The following CTNND2 variants were observed in gnomAD, a reference collection of about 807,000 sequenced individuals.
CTNND2 encodes the protein catenin delta 2, also known as catenin delta-2.
In CTNND2, 22 loss-of-function variants were observed where a neutral mutation model predicts 144.4. That is an observed-to-expected ratio of 0.15 (90% confidence interval 0.11 to 0.22). The LOEUF is 0.22. Among genes scored for constraint, CTNND2 ranks in the 10% least tolerant of loss-of-function variants. The pLI is 1.00. For synonymous variants in CTNND2, 751 were observed against 695.6 expected (o/e 1.08, Z -1.25); for missense variants, 1,353 against 1,618.8 (o/e 0.84, Z 2.82).
At chr5:11,019,427 A>G (rs1028883238) in intron 17 of CTNND2, among the ~76,000 whole-genome samples, 1 of 152,240 alleles carries the variant, frequency 6.6e-6, no homozygotes, top group Non-Finnish European at 1.5e-5. Context: ...GTTGAAATAC[A>G]ATTAGTGTGC....
chr5:11,454,670 C>T (rs1289664768), intron 3 of CTNND2, among the ~76,000 whole-genome samples: 3 of 151,350 alleles, frequency 2.0e-5, no homozygotes, highest in Non-Finnish European at 4.4e-5. Flanking sequence ...GATCTCAGCT[C>T]ACTGCAATCT....
At chr5:11,459,813 A>G (rs2149931109) in intron 3 of CTNND2, among the ~76,000 whole-genome samples, 1 of 152,320 alleles carries the variant, frequency 6.6e-6, no homozygotes, top group East Asian at 1.9e-4. Flanking sequence ...ATATTTTATG[A>G]TTCTATAAGT....
At chr5:11,481,273 C>T (rs1768240960) in intron 3 of CTNND2, among the ~76,000 whole-genome samples, 1 of 152,022 alleles carries the variant, frequency 6.6e-6, no homozygotes, top group African/African-American at 2.4e-5. Flanking sequence ...ATAAATATTC[C>T]CTAAAAATAT....
In CTNND2 at chr5:11,296,299, G is replaced by A. The variant is rs550392221; in HGVS notation, c.1628+50073C>T. The stretch of plus-strand genomic sequence containing the variant: ...CACAATGAGATACCATCTCACACCA[G>A]TTAGAATGGTGATCATTAAAAAGTC... On this transcript the variant is annotated intron_variant, in intron 9 of 21. Coordinates refer to ENST00000304623, the MANE Select transcript of CTNND2 (RefSeq NM_001332.4). Among the ~76,000 whole-genome samples, 8 of 152,092 alleles carry A rather than the reference G, an allele frequency of 5.3e-5. No homozygotes were observed. In the South Asian group the frequency reaches 1.7e-3, roughly 32 times the overall value.
At chr5:11,080,397 T>C (rs1464729179) in intron 16 of CTNND2, among the ~76,000 whole-genome samples, 1 of 152,192 alleles carries the variant, frequency 6.6e-6, no homozygotes, top group Non-Finnish European at 1.5e-5. Context: ...ACTGTACTGA[T>C]TAGAAAAACT....
intron 2 of CTNND2, among the ~76,000 whole-genome samples, chr5:11,566,854 C>T (rs1443980193): frequency 6.6e-6 from 1 of 152,174 alleles, no homozygotes; most frequent in East Asian, 1.9e-4. Flanking sequence ...GCTTCCTTCC[C>T]AGCACGCAGT....
intron 13 of CTNND2, among the ~76,000 whole-genome samples, chr5:11,114,280 A>G (rs1027622935): frequency 6.6e-6 from 1 of 152,130 alleles, no homozygotes; most frequent in Non-Finnish European, 1.5e-5. Flanking sequence ...CTCCTGGGGA[A>G]TAAATCTGCA....
intron 2 of CTNND2, among the ~76,000 whole-genome samples, chr5:11,587,597 T>C (rs1431612906): frequency 2.0e-5 from 3 of 152,120 alleles, no homozygotes; most frequent in African/African-American, 7.2e-5. Context: ...TACAAAGTCA[T>C]TCAAATTTCA....
intron 9 of CTNND2, among the ~76,000 whole-genome samples, chr5:11,311,774 T>G (rs1580870319): frequency 1.3e-5 from 1 of 77,398 alleles, no homozygotes; most frequent in South Asian, 6.0e-4. Flanking sequence ...CCATGCACCC[T>G]CACCTCACAC....
intron 9 of CTNND2, among the ~76,000 whole-genome samples, chr5:11,301,732 G>A (rs1053945054): frequency 6.6e-6 from 1 of 152,200 alleles, no homozygotes; most frequent in Non-Finnish European, 1.5e-5. Context: ...TTAATCTTAA[G>A]ACATACATTT....
At chr5:11,224,020 T>C (rs2149871854) in intron 10 of CTNND2, among the ~76,000 whole-genome samples, 2 of 152,262 alleles carry the variant, frequency 1.3e-5, no homozygotes, top group South Asian at 4.2e-4. Context: ...CACGACTGAA[T>C]CACCATGGTT....
chr5:11,174,159 G>C (rs951613457), intron 11 of CTNND2, among the ~76,000 whole-genome samples: 2 of 152,148 alleles, frequency 1.3e-5, no homozygotes, highest in Non-Finnish European at 2.9e-5. Flanking sequence ...GGAAGTTGTG[G>C]GCTCCAGTTT....
rs527628342 is a variant in CTNND2, at chr5:11,759,144, G to A, written c.38-26872C>T. On this transcript the variant is annotated intron_variant, in intron 1 of 21. Transcript: ENST00000304623. ...TATTTTAGCATGATTGGTCTTTTTG[G>A]AGGGAGAGGTCCAAGCATGAACCTG... Among the ~76,000 whole-genome samples, 8 of 152,074 alleles carry A rather than the reference G, an allele frequency of 5.3e-5. No homozygotes were observed. The South Asian group carries it at 1.5e-3, about 28-fold the overall frequency.
At chr5:11,750,910 T>C (rs1476429139) in intron 1 of CTNND2, among the ~76,000 whole-genome samples, 1 of 151,856 alleles carries the variant, frequency 6.6e-6, no homozygotes, top group Non-Finnish European at 1.5e-5. Context: ...TGAATACTCA[T>C]ACAACATTGT....
At chr5:11,293,323 C>G (rs1277869742) in intron 9 of CTNND2, among the ~76,000 whole-genome samples, 1 of 152,162 alleles carries the variant, frequency 6.6e-6, no homozygotes, top group Non-Finnish European at 1.5e-5. Flanking sequence ...AGAATTTCCA[C>G]TTAAGATATT....
chr5:11,569,781 G>C (rs1383391930), intron 2 of CTNND2, among the ~76,000 whole-genome samples: 1 of 152,090 alleles, frequency 6.6e-6, no homozygotes, highest in African/African-American at 2.4e-5. Context: ...TCCATCCCCT[G>C]CCCAAGATTC....
chr5:11,098,209 T>C (rs183187006), intron 15 of CTNND2, among the ~76,000 whole-genome samples: 3 of 152,212 alleles, frequency 2.0e-5, no homozygotes, highest in Non-Finnish European at 4.4e-5. Flanking sequence ...ACACAGGTAT[T>C]TGAGCATTAA....
At chr5:11,440,554 C>T (rs1366241563) in intron 3 of CTNND2, among the ~76,000 whole-genome samples, 1 of 152,148 alleles carries the variant, frequency 6.6e-6, no homozygotes, top group Non-Finnish European at 1.5e-5. Context: ...TATAAAGAAT[C>T]CCCAAATGAG....
At chr5:11,832,903 T>C (rs765310660) in intron 1 of CTNND2, among the ~76,000 whole-genome samples, 54 of 152,184 alleles carry the variant, frequency 3.5e-4, no homozygotes, top group Non-Finnish European at 6.6e-4. Flanking sequence ...ATTGTGCCAC[T>C]GCACTCCAGC....
Sources: gnomAD v4.1 joint callset for allele counts (sites outside exome capture counted in the v4.1 genomes callset) on GRCh38, gnomAD v4.1.1 for gene constraint, MANE v1.5 for transcripts, NCBI Gene and HGNC (gene_info 2026-07-23, HGNC 2026-07-21) for gene names.